The following FXYD4 variants were observed in gnomAD, a reference collection of about 807,000 sequenced individuals.
FXYD4 encodes FXYD domain containing ion transport regulator 4, also known as FXYD domain-containing ion transport regulator 4.
FXYD4 carries 14 observed loss-of-function variants against 18.3 expected under a neutral mutation model. That is an observed-to-expected ratio of 0.77 (90% confidence interval 0.51 to 1.20). The LOEUF (loss-of-function observed/expected upper bound fraction) is 1.20. FXYD4 is among the 50% of genes most tolerant of loss of function. The probability of loss-of-function intolerance (pLI) is 0.00; values close to 1 mark genes in which losing one functional copy is unlikely to be tolerated. For missense variants in FXYD4, 99 were observed against 106.1 expected (o/e 0.93, Z 0.29); for synonymous variants, 40 against 40.5 (o/e 0.99, Z 0.04).
At position 43,374,659 on chromosome 10, in the gene FXYD4, C is replaced by A. The variant is rs1300985738; in HGVS notation, c.97+20C>A. Reference sequence around the variant, plus strand: ...ACTATGGTAAGAGCTGATATTCCCACCCCCACCCTACCCTTGCCTATCCTG... The same window carrying A: ...ACTATGGTAAGAGCTGATATTCCCAACCCCACCCTACCCTTGCCTATCCTG... On this transcript the variant is annotated intron_variant, in intron 5 of 8. Transcript: ENST00000476166. 1.3e-6 allele frequency: 2 copies of A among 1,596,480 alleles called. No homozygotes were observed. The highest frequency in any genetic ancestry group is 1.7e-6 in the Non-Finnish European group (2 of 1,163,916).
At chr10:43,375,777 T>C in intron 7 of FXYD4, 43 bp downstream of exon 7, 1 of 1,592,756 alleles carries the variant, frequency 6.3e-7, no homozygotes, top group Non-Finnish European at 8.6e-7. Flanking sequence ...GGGGCAGAAC[T>C]ACGGGGGGAC....
At chr10:43,375,808 A>C in intron 7 of FXYD4, 74 bp downstream of exon 7, 3 of 1,470,120 alleles carry the variant, frequency 2.0e-6, no homozygotes, top group Non-Finnish European at 2.9e-6. Context: ...TGGAGAGTGG[A>C]CAGCATCCTG....
At chr10:43,375,134 C>T (rs1409160110) in intron 5 of FXYD4, among the ~76,000 whole-genome samples, 1 of 146,790 alleles carries the variant, frequency 6.8e-6, no homozygotes, top group Non-Finnish European at 1.5e-5. Context: ...TCAAGCAATT[C>T]TCCTGTCTCA....
chr10:43,374,160 T>C (rs1837840189), intron 3 of FXYD4, among the ~76,000 whole-genome samples: 1 of 152,086 alleles, frequency 6.6e-6, no homozygotes, highest in Non-Finnish European at 1.5e-5. Flanking sequence ...ATTGCACCAT[T>C]GCACTCCAGC....
In FXYD4 at chr10:43,373,865, G is replaced by T; in HGVS notation, c.37+82G>T. The T allele has an allele frequency of 4.4e-6, 4 of 899,702 alleles. No homozygotes were observed. In the East Asian group the frequency reaches 9.6e-5, roughly 22 times the overall value. 55.7% of individuals were successfully genotyped at this position (899,702 alleles called of 1,614,324 possible). A position where few individuals can be genotyped will look rare whatever the true frequency, so the allele number is the denominator to read the frequency against. ...CAAAAGCCAGACAACATCTCCTTTG[G>T]GAGTCTGGTGTTCAATCAGCATGCT... On this transcript the variant is annotated intron_variant, in intron 3 of 8. Transcript: ENST00000476166.
intron 7 of FXYD4, 21 bp from the exon 8 acceptor site, chr10:43,376,011 C>T: frequency 6.2e-7 from 1 of 1,613,702 alleles, no homozygotes; most frequent in South Asian, 1.1e-5. Flanking sequence ...TGATACTACT[C>T]TGATGTGGTC....
At chr10:43,375,877 C>A (rs2131949173) in intron 7 of FXYD4, 143 bp downstream of exon 7, 2 of 1,211,912 alleles carry the variant, frequency 1.7e-6, no homozygotes, top group Non-Finnish European at 2.5e-6. Context: ...TGAAGGGCCC[C>A]AGTCAGGAAA....
chr10:43,375,076 G>C (rs1171143120), intron 5 of FXYD4, among the ~76,000 whole-genome samples: 1 of 146,108 alleles, frequency 6.8e-6, no homozygotes, highest in Non-Finnish European at 1.5e-5. Flanking sequence ...GCCTAGGCTG[G>C]AGTACAGTGG....
chr10:43,375,081 C>T (rs571131807), intron 5 of FXYD4, among the ~76,000 whole-genome samples: 2 of 135,230 alleles, frequency 1.5e-5, no homozygotes, highest in African/African-American at 5.7e-5. Context: ...GGCTGGAGTA[C>T]AGTGGCATGA....
rs528072998 is a variant in FXYD4 at position 43,374,763 on chromosome 10, C to T, written c.97+124C>T. On this transcript the variant is annotated intron_variant, in intron 5 of 8. Coordinates refer to ENST00000476166, the MANE Select transcript of FXYD4 (RefSeq NM_173160.3). ...AGTGGGATGGGGGATTAAACCTGGT[C>T]TCTGTGAGAGCGTCGCTCCAACAAG... 6.0e-6 allele frequency: 5 copies of T among 834,446 alleles called. No individual in the cohort carries two copies. The East Asian group carries it at 1.2e-4, about 20-fold the overall frequency. 51.7% of individuals were successfully genotyped at this position (834,446 alleles called of 1,614,324 possible).
At position 43,376,019 on chromosome 10, in the gene FXYD4, GTCCTT is replaced by G; in HGVS notation, c.213-10_213-6del. On this transcript the variant is annotated splice_region_variant and splice_polypyrimidine_tract_variant and intron_variant, in intron 7 of 8. Coordinates refer to ENST00000476166, the MANE Select transcript of FXYD4 (RefSeq NM_173160.3). ...GCTAACCTGATACTACTCTGATGTG[GTCCTT>G]TCTCTAGTCCTGTACCTGAGAAGGC... 6.2e-7 allele frequency: 1 copy of G among 1,613,960 alleles called. No individual in the cohort carries two copies. The highest frequency in any genetic ancestry group is 8.5e-7 in the Non-Finnish European group (1 of 1,179,824).
Position 43,376,232 on chromosome 10 carries a change from G to A in FXYD4, c.*66G>A, listed in dbSNP as rs1837870168. Reference sequence around the variant, plus strand: ...TGGCCCCCAGCACCTCCTCCCCTGGGAGGCCTTATCCTCAAGGAAGGACTT... The same window carrying A: ...TGGCCCCCAGCACCTCCTCCCCTGGAAGGCCTTATCCTCAAGGAAGGACTT... On this transcript the variant is annotated 3_prime_UTR_variant, in exon 9 of 9. Transcript: ENST00000476166. 1 of 1,572,194 alleles carries A rather than the reference G, an allele frequency of 6.4e-7. No individual in the cohort carries two copies. The highest frequency in any genetic ancestry group is 1.7e-5 in the Admixed American group (1 of 59,792).
chr10:43,374,320 T>C (rs1418184541), intron 3 of FXYD4, 150 bp from the exon 4 acceptor site: 5 of 772,142 alleles, frequency 6.5e-6, no homozygotes, highest in East Asian at 2.4e-5. Context: ...GGCCACACCC[T>C]GAGGCTGTGT....
Position 43,375,490 on chromosome 10 carries a change from C to T in FXYD4, c.98-9C>T, listed in dbSNP as rs773968830. ...GCTGGTGCAAGCTCACTCTCTGTACCCACCCCAGACTGGAAAAACCTGCAG... is the reference window on the plus strand; with the variant it reads ...GCTGGTGCAAGCTCACTCTCTGTACTCACCCCAGACTGGAAAAACCTGCAG... On this transcript the variant is annotated splice_polypyrimidine_tract_variant and intron_variant, in intron 5 of 8. Coordinates refer to ENST00000476166, the MANE Select transcript of FXYD4 (RefSeq NM_173160.3). The T allele has an allele frequency of 1.9e-6, 3 of 1,611,642 alleles. No individual in the cohort carries two copies. Among genetic ancestry groups the T allele is most frequent in the South Asian group, 1.1e-5 (1 of 91,022 alleles).
rs145486243 is a variant in FXYD4, at chr10:43,375,562, C to G, written c.161C>G (p.Ala54Gly). 9 of 1,613,812 alleles carry G rather than the reference C, an allele frequency of 5.6e-6. No individual in the cohort carries two copies. In the Admixed American group the frequency reaches 1.2e-4, roughly 21 times the overall value. ...GGGCTCCTGGCCATTGCTGGGATCG[C>G]GGCAGTTCTGAGTGAGTGGCAGGAC... ...CGGLLAIAGI[A>G]AVLSGKCKCK... The change falls in exon 6 of 9, where the codon GCG becomes GGG. Residue 54 changes from alanine to glycine, a missense_variant. Physicochemically the swap from Ala to Gly is moderately conservative, Grantham distance 60. Coordinates refer to ENST00000476166, the MANE Select transcript of FXYD4 (RefSeq NM_173160.3).
In FXYD4 at chr10:43,375,354, C is replaced by A; in HGVS notation, c.98-145C>A. 6 of 647,904 alleles carry A rather than the reference C, an allele frequency of 9.3e-6. No homozygotes were observed. The East Asian group carries it at 1.6e-4, about 17-fold the overall frequency. The allele number at this position is 647,904 out of a possible 1,614,324, so 40.1% of individuals were successfully genotyped here. On this transcript the variant is annotated intron_variant, in intron 5 of 8. Coordinates refer to ENST00000476166, the MANE Select transcript of FXYD4 (RefSeq NM_173160.3). ...ACTTTTTTTCTTCTTAGTGTTTCCC[C>A]ACGAGACGCAGAATGATGCCTCTGT...
At position 43,374,454 on chromosome 10, in the gene FXYD4, T is replaced by G. The variant is rs1837843646; in HGVS notation, c.38-16T>G. ...GTCATGAATTCCCACACATTTTCTC[T>G]GCTCCTCCCACACAGGCCTGACTGC... On this transcript the variant is annotated splice_polypyrimidine_tract_variant and intron_variant, in intron 3 of 8. Coordinates refer to ENST00000476166, the MANE Select transcript of FXYD4 (RefSeq NM_173160.3). The G allele has an allele frequency of 1.2e-6, 2 of 1,613,706 alleles. No individual in the cohort carries two copies. The highest frequency in any genetic ancestry group is 1.7e-5 in the Admixed American group (1 of 60,014).
rs1398127947 is a variant in FXYD4 at position 43,375,481 on chromosome 10, T to G, written c.98-18T>G. 1.9e-6 allele frequency: 3 copies of G among 1,607,752 alleles called. No individual in the cohort carries two copies. Among genetic ancestry groups the G allele is most frequent in the South Asian group, 2.2e-5 (2 of 90,942 alleles). ...AGGCCCCAGGCTGGTGCAAGCTCAC[T>G]CTCTGTACCCACCCCAGACTGGAAA... On this transcript the variant is annotated intron_variant, in intron 5 of 8. Transcript: ENST00000476166.
chr10:43,373,731 C>G lies in FXYD4; in HGVS notation c.-16C>G. ...CAGTGCCTCTCCCCCTGCAGCCCTG[C>G]CCCTCGAACTGTGACATGGAGAGAG... is the stretch of plus-strand genomic sequence containing the variant. On this transcript the variant is annotated 5_prime_UTR_variant, in exon 3 of 9. Transcript: ENST00000476166. The G allele has an allele frequency of 6.3e-7, 1 of 1,586,942 alleles. No individual in the cohort carries two copies. Among genetic ancestry groups the G allele is most frequent in the Non-Finnish European group, 8.7e-7 (1 of 1,155,438 alleles).
Sources: gnomAD v4.1 joint callset for allele counts (sites outside exome capture counted in the v4.1 genomes callset) on GRCh38, gnomAD v4.1.1 for gene constraint, MANE v1.5 for transcripts, NCBI Gene and HGNC (gene_info 2026-07-23, HGNC 2026-07-21) for gene names.